PPARG: variants seen among roughly 807,000 people sequenced by gnomAD.
PPARG encodes the protein peroxisome proliferator activated receptor gamma.
PPARG carries 17 observed loss-of-function variants against 39.2 expected under a neutral mutation model. The ratio of observed to expected loss-of-function variants is 0.43; its 90% CI spans 0.30 to 0.65. PPARG has a LOEUF of 0.65. Ranked by LOEUF, PPARG falls within the 30% of genes least tolerant of loss-of-function variation. PPARG has a pLI of 0.13. For missense variants in PPARG, 406 were observed against 585.9 expected (o/e 0.69, Z 3.17); for synonymous variants, 223 against 215.7 (o/e 1.03, Z -0.30).
intron 5 of PPARG, among the ~76,000 whole-genome samples, chr3:12,405,004 T>C (rs2050609306): frequency 6.6e-6 from 1 of 152,120 alleles, no homozygotes; most frequent in Admixed American, 6.5e-5. Flanking sequence ...TGGGGAACAG[T>C]GGACATGATG....
At chr3:12,427,214 G>GT (rs1234586708) in intron 7 of PPARG, among the ~76,000 whole-genome samples, 2 of 19,592 alleles carry the variant, frequency 1.0e-4, no homozygotes, top group African/African-American at 4.6e-4. Flanking sequence ...TTGCTGAATT[G>GT]GATCAGAAAA....
intron 2 of PPARG, among the ~76,000 whole-genome samples, chr3:12,318,385 T>C (rs909640418): frequency 6.6e-6 from 1 of 152,230 alleles, no homozygotes; most frequent in East Asian, 1.9e-4. Context: ...GAAGAAATGA[T>C]TGCTTTTGAA....
chr3:12,337,717 G>A (rs1368272115), intron 2 of PPARG, among the ~76,000 whole-genome samples: 1 of 151,912 alleles, frequency 6.6e-6, no homozygotes, highest in African/African-American at 2.4e-5. Context: ...CCCATTCATG[G>A]GTTCCACATC....
chr3:12,329,778 C>A (rs955137192), intron 2 of PPARG, among the ~76,000 whole-genome samples: 1 of 152,196 alleles, frequency 6.6e-6, no homozygotes, highest in Non-Finnish European at 1.5e-5. Flanking sequence ...TCTATACCCA[C>A]TAAACAACAA....
At chr3:12,329,508 A>G (rs905593277) in intron 2 of PPARG, among the ~76,000 whole-genome samples, 2 of 152,234 alleles carry the variant, frequency 1.3e-5, no homozygotes, top group Admixed American at 6.5e-5. Flanking sequence ...TTGTAGAACA[A>G]ATTTTCCTAT....
At chr3:12,408,567 CTT>C (rs397945616) in intron 6 of PPARG, among the ~76,000 whole-genome samples, 1,627 of 113,242 alleles carry the variant, frequency 0.014, 10 homozygotes, top group African/African-American at 0.026. Context: ...CTTTTCTTTT[CTT>C]TTTTTTTTTT....
At chr3:12,349,772 G>A (rs567255006) in intron 2 of PPARG, among the ~76,000 whole-genome samples, 1 of 152,314 alleles carries the variant, frequency 6.6e-6, no homozygotes, top group African/African-American at 2.4e-5. Flanking sequence ...TGCTATAGGA[G>A]TAGGTGTTAT....
intron 2 of PPARG, chr3:12,328,159 C>A: frequency 7.8e-7 from 1 of 1,274,658 alleles, no homozygotes; most frequent in Middle Eastern, 2.7e-4. Flanking sequence ...GTTAGAGAAG[C>A]AGCAAATAGC....
At chr3:12,344,743 G>A (rs1233493866) in intron 2 of PPARG, 1 of 152,104 alleles carries the variant, frequency 6.6e-6, no homozygotes, top group East Asian at 1.9e-4. Flanking sequence ...AAAGTGTCAT[G>A]TAAGATTTAA....
intron 2 of PPARG, among the ~76,000 whole-genome samples, chr3:12,334,713 T>C (rs1437101430): frequency 6.6e-6 from 1 of 152,152 alleles, no homozygotes; most frequent in Non-Finnish European, 1.5e-5. Context: ...ATACAAATAT[T>C]ACTGATTATT....
chr3:12,362,055 C>A (rs2048863243), intron 2 of PPARG, among the ~76,000 whole-genome samples: 1 of 151,284 alleles, frequency 6.6e-6, no homozygotes, highest in Non-Finnish European at 1.5e-5. Flanking sequence ...AGATTTTTTC[C>A]CCTGGGTATT....
chr3:12,386,940 A>T (rs1482618539), intron 4 of PPARG, among the ~76,000 whole-genome samples: 1 of 126,158 alleles, frequency 7.9e-6, no homozygotes, highest in Non-Finnish European at 1.6e-5. Flanking sequence ...TCATTGTTCC[A>T]CTCCCACCTG....
intron 2 of PPARG, among the ~76,000 whole-genome samples, chr3:12,355,355 T>G (rs1483385959): frequency 1.3e-5 from 2 of 152,160 alleles, no homozygotes; most frequent in African/African-American, 4.8e-5. Context: ...AAGCTGGTCT[T>G]GAACTCCTGG....
chr3:12,326,288 T>C (rs551513644), intron 2 of PPARG, among the ~76,000 whole-genome samples: 1 of 152,126 alleles, frequency 6.6e-6, no homozygotes, highest in African/African-American at 2.4e-5. Context: ...AGCTGAGAAA[T>C]GGAGGAAATG....
intron 2 of PPARG, among the ~76,000 whole-genome samples, chr3:12,357,261 C>T (rs1435307509): frequency 1.3e-5 from 2 of 152,106 alleles, no homozygotes; most frequent in East Asian, 3.9e-4. Context: ...CTGCCCTACC[C>T]CAGCTGACCC....
At chr3:12,407,112 A>G (rs2050698975) in intron 6 of PPARG, among the ~76,000 whole-genome samples, 1 of 152,186 alleles carries the variant, frequency 6.6e-6, no homozygotes, top group Non-Finnish European at 1.5e-5. Flanking sequence ...CAATTCTGCC[A>G]TCAGCTTGGA....
chr3:12,380,715 A>C (rs1323713101), intron 3 of PPARG, among the ~76,000 whole-genome samples: 1 of 152,190 alleles, frequency 6.6e-6, no homozygotes, highest in East Asian at 1.9e-4. Flanking sequence ...ATGGAAATTT[A>C]GTAGCCCTGA....
chr3:12,344,442 T>G (rs943584609), intron 2 of PPARG, among the ~76,000 whole-genome samples: 2 of 152,064 alleles, frequency 1.3e-5, no homozygotes, highest in Non-Finnish European at 2.9e-5. Flanking sequence ...CTGATGAATC[T>G]TACCGGAAAA....
chr3:12,350,772 T>C lies in PPARG; in HGVS notation c.-8-28932T>C, dbSNP rs1158399183. On this transcript the variant is annotated intron_variant, in intron 2 of 7. Transcript: ENST00000651735. ...TTTTTTCATTATGACATAGCACTTATCGTTTAAACATCAATTGATGTTCAA... is the reference window on the plus strand; with the variant it reads ...TTTTTTCATTATGACATAGCACTTACCGTTTAAACATCAATTGATGTTCAA... Among the ~76,000 whole-genome samples the C allele has an allele frequency of 2.0e-5, 3 of 152,238 alleles. No homozygotes were observed. In the East Asian group the frequency reaches 5.8e-4, roughly 29 times the overall value.
Sources: allele counts gnomAD v4.1 joint callset (sites outside exome capture counted in the v4.1 genomes callset), GRCh38; gene constraint gnomAD v4.1.1; transcripts MANE v1.5; gene names NCBI Gene and HGNC (gene_info 2026-07-23, HGNC 2026-07-21).